The following MPRIP variants were observed in gnomAD, a reference collection of about 807,000 sequenced individuals.
The protein encoded by MPRIP is myosin phosphatase Rho-interacting protein.
A neutral mutation model predicts 234.9 loss-of-function variants in MPRIP; 59 were observed. The observed-to-expected ratio is 0.25, with a 90% CI of 0.20 to 0.31. MPRIP has a LOEUF of 0.31. Ranked by LOEUF, MPRIP falls within the 10% of genes least tolerant of loss-of-function variation. The pLI is 1.00. For synonymous variants in MPRIP, 1,144 were observed against 1,263.9 expected, an observed-to-expected ratio of 0.91 and a Z score of 2.01; for missense variants, 2,436 against 3,071.0, an observed-to-expected ratio of 0.79 and a Z score of 4.89.
chr17:17,111,132 T>C (rs2090159314), intron 3 of MPRIP, among the ~76,000 whole-genome samples: 1 of 146,910 alleles, frequency 6.8e-6, no homozygotes, highest in South Asian at 2.1e-4. Flanking sequence ...ATTAAAAGGT[T>C]ATTTTAAAAG....
At chr17:17,162,850 T>A (rs1379716871) in intron 15 of MPRIP, among the ~76,000 whole-genome samples, 1 of 152,218 alleles carries the variant, frequency 6.6e-6, no homozygotes, top group East Asian at 1.9e-4. Context: ...GCAAATATTT[T>A]AAAATCCGAA....
At chr17:17,076,542 T>C (rs960952743) in intron 2 of MPRIP, 1 of 152,268 alleles carries the variant, frequency 6.6e-6, no homozygotes, top group African/African-American at 2.4e-5. Context: ...ATTGTGTCTC[T>C]GTTCTTTGGG....
chr17:17,161,222 G>T lies in MPRIP; in HGVS notation c.2401-18G>T. On this transcript the variant is annotated intron_variant, in intron 14 of 23. Coordinates refer to ENST00000651222, the MANE Select transcript of MPRIP (RefSeq NM_001364716.4). ...TCATTGTCATTTTGCATAAAAGTGT[G>T]TGTCTTTTTGCCAACAGCTGGAGCA... 6.4e-7 allele frequency: 1 copy of T among 1,568,242 alleles called. No homozygotes were observed. The highest frequency in any genetic ancestry group is 8.7e-7 in the Non-Finnish European group (1 of 1,143,950).
At chr17:17,175,592 G>A (rs943701651) in intron 20 of MPRIP, among the ~76,000 whole-genome samples, 180 bp downstream of exon 20, 3 of 152,186 alleles carry the variant, frequency 2.0e-5, no homozygotes, top group Admixed American at 1.3e-4. Context: ...CTGCCAGGTG[G>A]CATGAGAGCC....
Position 17,166,497 on chromosome 17 carries a change from T to C in MPRIP, c.4906T>C (p.Leu1636=), listed in dbSNP as rs556317683. ...WSQVESLRKH[L]GTLGGEAVGA... ...CCAGGTTGAGTCTCTGAGGAAGCAC[T>C]TGGGGACACTGGGAGGAGAGGCAGT... Residue 1636 remains leucine (L), a synonymous_variant, in exon 16 of 24, where the codon TTG becomes CTG. Transcript: ENST00000651222. The surrounding 1 kb of genome is among the most constrained non-coding windows in gnomAD (Gnocchi z 4.4). The C allele has an allele frequency of 3.4e-5, 44 of 1,304,128 alleles. No individual in the cohort carries two copies. Among genetic ancestry groups the C allele is most frequent in the South Asian group, 8.6e-5 (7 of 81,028 alleles). The allele number at this position is 1,304,128 out of a possible 1,614,324, so 80.8% of individuals were successfully genotyped here. A position where few individuals can be genotyped will look rare whatever the true frequency, so the allele number is the denominator to read the frequency against.
At chr17:17,066,721 ATCTTTTTTTTTTTTTTTTTTTT>A (rs1567692145) in intron 1 of MPRIP, among the ~76,000 whole-genome samples, 8 of 39,452 alleles carry the variant, frequency 2.0e-4, no homozygotes, top group South Asian at 7.9e-4. Context: ...TACTTTTTTC[ATCTTTTTTTTTTTTTTTTTTTT>A]TTTTTTTTTT....
Position 17,166,330 on chromosome 17 carries a change from C to T in MPRIP, c.4739C>T (p.Ala1580Val). The change falls in exon 16 of 24, where the codon GCA (alanine) becomes GTA (valine). Residue 1580 changes from alanine (A) to valine (V), a missense_variant. Around this residue, in one of 4 missense-constraint regions of MPRIP, gnomAD observed 1,998 missense variants for 2,520.3 expected, o/e 0.79. Transcript: ENST00000651222. The surrounding 1 kb of genome is among the most constrained non-coding windows in gnomAD (Gnocchi z 4.4). ...ALEASLISQI[A>V]DSLKNTTSDV... ...GAGGCCTCGCTGATCAGCCAGATAGCAGATTCCCTGAAGAACACAACATCA... is the reference window on the plus strand; with the variant it reads ...GAGGCCTCGCTGATCAGCCAGATAGTAGATTCCCTGAAGAACACAACATCA... 7.7e-7 allele frequency: 1 copy of T among 1,304,562 alleles called. No homozygotes were observed. The highest frequency in any genetic ancestry group is 1.0e-6 in the Non-Finnish European group (1 of 989,032). 80.8% of individuals were successfully genotyped at this position (1,304,562 alleles called of 1,614,324 possible).
rs2046488977 is a variant in MPRIP at position 17,187,013 on chromosome 17, G to T, written c.*2119G>T. On this transcript the variant is annotated 3_prime_UTR_variant, in exon 24 of 24. Coordinates refer to ENST00000651222, the MANE Select transcript of MPRIP (RefSeq NM_001364716.4). Reference sequence around the variant, plus strand: ...TCCACCACCTGCCCTTCCTGGCATGGTTTCCTTCGTGACCATCCCTGCTGC... The same window carrying T: ...TCCACCACCTGCCCTTCCTGGCATGTTTTCCTTCGTGACCATCCCTGCTGC... The T allele has an allele frequency of 6.6e-6, 1 of 152,192 alleles. No homozygotes were observed. The highest frequency in any genetic ancestry group is 1.5e-5 in the Non-Finnish European group (1 of 68,048). The allele number at this position is 152,192 out of a possible 1,614,324, so 9.4% of individuals were successfully genotyped here. A position where few individuals can be genotyped will look rare whatever the true frequency, so the allele number is the denominator to read the frequency against.
intron 1 of MPRIP, among the ~76,000 whole-genome samples, chr17:17,065,898 T>G (rs188672174): frequency 2.6e-5 from 4 of 151,464 alleles, no homozygotes; most frequent in Admixed American, 2.6e-4. Context: ...AAGTATTTCT[T>G]TTTTTTGAAG....
intron 3 of MPRIP, among the ~76,000 whole-genome samples, chr17:17,122,625 T>A (rs1208584994): frequency 6.6e-6 from 1 of 152,220 alleles, no homozygotes; most frequent in Non-Finnish European, 1.5e-5. Context: ...AGTGCTGGGA[T>A]TACAGGCATG....
chr17:17,164,783 G>A lies in MPRIP; in HGVS notation c.3192G>A (p.Leu1064=). 7.7e-7 allele frequency: 1 copy of A among 1,304,264 alleles called. No homozygotes were observed. The highest frequency in any genetic ancestry group is 1.0e-6 in the Non-Finnish European group (1 of 988,952). The allele number at this position is 1,304,264 out of a possible 1,614,324, so 80.8% of individuals were successfully genotyped here. Residue 1064 remains leucine, a synonymous_variant, in exon 16 of 24, where the codon CTG becomes CTA. Coordinates refer to ENST00000651222, the MANE Select transcript of MPRIP (RefSeq NM_001364716.4). The part of the protein sequence containing the change: ...LQGQAQQVET[L]QKEKLSATFE... ...GTCAGGCACAGCAGGTGGAGACCCT[G>A]CAGAAGGAGAAGCTGAGCGCCACTT...
intron 3 of MPRIP, among the ~76,000 whole-genome samples, chr17:17,109,628 A>G (rs2090130219): frequency 1.3e-5 from 2 of 152,224 alleles, no homozygotes; most frequent in Admixed American, 6.5e-5. Flanking sequence ...TCCTTGTTCC[A>G]TTAGCGGAGA....
intron 3 of MPRIP, among the ~76,000 whole-genome samples, chr17:17,101,905 C>G (rs892927721): frequency 6.6e-6 from 1 of 152,178 alleles, no homozygotes; most frequent in African/African-American, 2.4e-5. Flanking sequence ...TCCAGGAGGT[C>G]AGGCTTGGCC....
chr17:17,104,512 C>T (rs1285724420), intron 3 of MPRIP, among the ~76,000 whole-genome samples: 1 of 152,156 alleles, frequency 6.6e-6, no homozygotes, highest in Non-Finnish European at 1.5e-5. Context: ...CTTCCTTCCT[C>T]CCGACCAGTC....
intron 3 of MPRIP, among the ~76,000 whole-genome samples, chr17:17,091,232 TTCTAGCTGTA>T (rs2144143412): frequency 6.6e-6 from 1 of 151,916 alleles, no homozygotes; most frequent in South Asian, 2.1e-4. Flanking sequence ...CCAGAGGCCG[TTCTAGCTGTA>T]TCTGAAGGGG....
chr17:17,093,209 G>C (rs1223587334), intron 3 of MPRIP, among the ~76,000 whole-genome samples: 2 of 152,222 alleles, frequency 1.3e-5, no homozygotes, highest in African/African-American at 4.8e-5. Flanking sequence ...CCAAAGTCAA[G>C]TGTTTGAATT....
At chr17:17,091,784 A>T (rs1411070830) in intron 3 of MPRIP, among the ~76,000 whole-genome samples, 1 of 152,074 alleles carries the variant, frequency 6.6e-6, no homozygotes, top group African/African-American at 2.4e-5. Flanking sequence ...GAGAGGTGGG[A>T]TGTGTGTTGC....
intron 18 of MPRIP, 135 bp from the exon 19 acceptor site, chr17:17,173,781 A>C: frequency 9.9e-7 from 1 of 1,014,448 alleles, no homozygotes; most frequent in Non-Finnish European, 1.5e-6. Flanking sequence ...ACTCTGTATG[A>C]CCCAGGCTGA....
At chr17:17,171,405 T>TTCCATTTCATAGCAGCCTG (rs1241792579) in intron 16 of MPRIP, 1 of 268,258 alleles carries the variant, frequency 3.7e-6, no homozygotes, top group Non-Finnish European at 7.1e-6. Flanking sequence ...GTTGGCTGGT[T>TTCCATTTCATAGCAGCCTG]TCCATTTCAT....
Sources: gnomAD v4.1 joint callset for allele counts (sites outside exome capture counted in the v4.1 genomes callset) on GRCh38, gnomAD v4.1.1 for gene constraint, gnomAD v4.1.1 regional missense constraint, Gnocchi (gnomAD v3.1) non-coding constraint, MANE v1.5 for transcripts, NCBI Gene and HGNC (gene_info 2026-07-23, HGNC 2026-07-21) for gene names.